Variants in OXR1 observed in about 807,000 individuals in gnomAD.
OXR1 encodes the protein oxidation resistance protein 1.
In OXR1, 41 loss-of-function variants were observed where a neutral mutation model predicts 104.6. That is an observed-to-expected ratio of 0.39 (90% CI 0.31 to 0.51). OXR1 has a LOEUF of 0.51. OXR1 is among the 20% of genes least tolerant of loss of function. The pLI is 0.77. For missense variants in OXR1, 955 were observed against 1,031.9 expected (o/e 0.93, Z 1.02); for synonymous variants, 348 against 348.4 (o/e 1.00, Z 0.01).
chr8:106,649,881 A>T lies in OXR1; in HGVS notation c.221-29329A>T, dbSNP rs959193580. On this transcript the variant is annotated intron_variant, in intron 3 of 16. Transcript: ENST00000517566. ...CCAGCTAATTTTTTGTATTTTTAGT[A>T]GAGACAGGGTTTCACTGTGTTAGCC... 2.0e-5 allele frequency among the ~76,000 whole-genome samples: 3 copies of T among 152,214 alleles called. No homozygotes were observed. In the East Asian group the frequency reaches 5.8e-4, roughly 29 times the overall value.
intron 2 of OXR1, among the ~76,000 whole-genome samples, chr8:106,386,483 G>T (rs895638461): frequency 6.6e-6 from 1 of 152,168 alleles, no homozygotes; most frequent in Non-Finnish European, 1.5e-5. Context: ...TGTGCCTCTT[G>T]TACTGCCTTG....
chr8:106,387,254 T>C (rs1292845600), intron 2 of OXR1, among the ~76,000 whole-genome samples: 3 of 152,228 alleles, frequency 2.0e-5, no homozygotes, highest in African/African-American at 7.2e-5. Flanking sequence ...AGATTGCAAA[T>C]ATCAGGGAAT....
chr8:106,708,660 G>T (rs972853110), intron 9 of OXR1, among the ~76,000 whole-genome samples: 11 of 152,016 alleles, frequency 7.2e-5, no homozygotes, highest in Admixed American at 6.6e-4. Context: ...TGTACATTTT[G>T]TCTGTTCATT....
chr8:106,311,558 A>G (rs1274787002), intron 1 of OXR1, among the ~76,000 whole-genome samples: 1 of 152,124 alleles, frequency 6.6e-6, no homozygotes, highest in Non-Finnish European at 1.5e-5. Context: ...TTCCTACTAG[A>G]CTATTGGTTT....
At chr8:106,569,245 C>T (rs907884680) in intron 3 of OXR1, among the ~76,000 whole-genome samples, 2 of 151,968 alleles carry the variant, frequency 1.3e-5, no homozygotes, top group African/African-American at 4.8e-5. Flanking sequence ...CAAACCTATG[C>T]CCCCCTTCTT....
intron 11 of OXR1, among the ~76,000 whole-genome samples, chr8:106,737,299 T>G (rs974688061): frequency 6.6e-6 from 1 of 152,192 alleles, no homozygotes; most frequent in Non-Finnish European, 1.5e-5. Context: ...AAATAAACCT[T>G]ACATACCAAC....
intron 1 of OXR1, among the ~76,000 whole-genome samples, chr8:106,291,145 C>A (rs1812734111): frequency 6.6e-6 from 1 of 152,198 alleles, no homozygotes; most frequent in Non-Finnish European, 1.5e-5. Context: ...TTTACAGCAA[C>A]ATGGATGGAG....
At chr8:106,627,456 A>G (rs1374330020) in intron 3 of OXR1, among the ~76,000 whole-genome samples, 1 of 152,152 alleles carries the variant, frequency 6.6e-6, no homozygotes, top group African/African-American at 2.4e-5. Context: ...TAGCCATCTG[A>G]TGGTTAAAAA....
chr8:106,363,622 G>A, intron 2 of OXR1, among the ~76,000 whole-genome samples: 1 of 150,306 alleles, frequency 6.7e-6, no homozygotes, highest in Admixed American at 6.6e-5. Context: ...TGTTTTTAGT[G>A]AACAGTTTCT....
chr8:106,691,572 C>T (rs1335721039), intron 6 of OXR1, among the ~76,000 whole-genome samples: 3 of 150,114 alleles, frequency 2.0e-5, no homozygotes, highest in Non-Finnish European at 4.4e-5. Context: ...TTCAAAAAGG[C>T]ATATCTTCAT....
At chr8:106,675,874 T>A (rs1827532089) in intron 3 of OXR1, among the ~76,000 whole-genome samples, 1 of 152,126 alleles carries the variant, frequency 6.6e-6, no homozygotes, top group African/African-American at 2.4e-5. Flanking sequence ...CTGTCTAATA[T>A]TGTCAGTGGG....
At chr8:106,686,571 T>C (rs1828749501) in intron 6 of OXR1, among the ~76,000 whole-genome samples, 1 of 152,172 alleles carries the variant, frequency 6.6e-6, no homozygotes, top group Non-Finnish European at 1.5e-5. Flanking sequence ...CCCTTAGAAA[T>C]AAGGATATTA....
At chr8:106,725,299 G>T (rs1833224696) in intron 11 of OXR1, among the ~76,000 whole-genome samples, 1 of 152,042 alleles carries the variant, frequency 6.6e-6, no homozygotes, top group Non-Finnish European at 1.5e-5. Flanking sequence ...TGTTAGAAAG[G>T]TAGTGTGTGT....
intron 3 of OXR1, among the ~76,000 whole-genome samples, chr8:106,527,044 A>G (rs1376362375): frequency 6.6e-6 from 1 of 152,214 alleles, no homozygotes; most frequent in Non-Finnish European, 1.5e-5. Flanking sequence ...CTAAAGTCCA[A>G]GTTGGACCTT....
At chr8:106,694,773 A>T (rs370128376) in intron 7 of OXR1, among the ~76,000 whole-genome samples, 26 of 97,218 alleles carry the variant, frequency 2.7e-4, no homozygotes, top group East Asian at 4.4e-4. Context: ...TTTAATAGAT[A>T]AATACATATA....
chr8:106,710,092 G>A (rs780280847), intron 9 of OXR1, among the ~76,000 whole-genome samples: 7 of 151,978 alleles, frequency 4.6e-5, no homozygotes, highest in African/African-American at 7.2e-5. Flanking sequence ...GAACTAATTC[G>A]TTCTTAATTA....
intron 3 of OXR1, among the ~76,000 whole-genome samples, chr8:106,678,750 C>G (rs1827846612): frequency 6.6e-6 from 1 of 151,674 alleles, no homozygotes; most frequent in Non-Finnish European, 1.5e-5. Context: ...TAATTTAATC[C>G]CATAGAGAAG....
At chr8:106,680,770 C>G (rs1332309560) in intron 4 of OXR1, among the ~76,000 whole-genome samples, 1 of 152,076 alleles carries the variant, frequency 6.6e-6, no homozygotes, top group Non-Finnish European at 1.5e-5. Context: ...CTTGCATTTC[C>G]TACTATCACT....
At chr8:106,353,299 A>G (rs1815813692) in intron 1 of OXR1, among the ~76,000 whole-genome samples, 1 of 152,052 alleles carries the variant, frequency 6.6e-6, no homozygotes, top group African/African-American at 2.4e-5. Context: ...CAGTGAGTCG[A>G]GATCACGCCA....
Sources: allele counts gnomAD v4.1 joint callset (sites outside exome capture counted in the v4.1 genomes callset), GRCh38; gene constraint gnomAD v4.1.1; transcripts MANE v1.5; gene names NCBI Gene and HGNC (gene_info 2026-07-23, HGNC 2026-07-21).